Variants in SMARCAD1 observed in about 807,000 individuals in gnomAD.
SMARCAD1 encodes the protein SWI/SNF-related matrix-associated actin-dependent regulator of chromatin subfamily A containing DEAD/H box 1.
Under a neutral mutation model 127.1 loss-of-function variants are expected in SMARCAD1, and 25 were observed. The observed-to-expected ratio is 0.20, with a 90% CI of 0.14 to 0.27. SMARCAD1 has a LOEUF of 0.27. Among genes scored for constraint, SMARCAD1 ranks in the 10% least tolerant of loss-of-function variants. The pLI is 1.00. For synonymous variants in SMARCAD1, 400 were observed against 396.9 expected (o/e 1.01, Z -0.09); for missense variants, 807 against 1,206.0 (o/e 0.67, Z 4.90).
At chr4:94,223,752 TTTTTTTTTA>T (rs375955649) in intron 2 of SMARCAD1, among the ~76,000 whole-genome samples, 52,583 of 137,556 alleles carry the variant, frequency 0.38, 11,098 homozygotes, top group East Asian at 0.7. Flanking sequence ...TTTTTTTTTT[TTTTTTTTTA>T]AAGTAGAGAC....
At chr4:94,214,712 G>T (rs1225921738) in intron 2 of SMARCAD1, among the ~76,000 whole-genome samples, 1 of 152,174 alleles carries the variant, frequency 6.6e-6, no homozygotes, top group Admixed American at 6.5e-5. Flanking sequence ...TTTTCCCTGG[G>T]GGGGATAATT....
intron 11 of SMARCAD1, among the ~76,000 whole-genome samples, chr4:94,273,158 T>C (rs1193239748): frequency 1.3e-5 from 2 of 152,220 alleles, no homozygotes; most frequent in African/African-American, 4.8e-5. Flanking sequence ...TGAACATTCT[T>C]ACCCAAGTCC....
At chr4:94,255,662 CTTAT>C (rs1324053712) in intron 9 of SMARCAD1, among the ~76,000 whole-genome samples, 8 of 151,928 alleles carry the variant, frequency 5.3e-5, no homozygotes, top group Non-Finnish European at 8.8e-5. Flanking sequence ...ACTACTATGA[CTTAT>C]TTGTCAGATA....
intron 5 of SMARCAD1, among the ~76,000 whole-genome samples, chr4:94,237,369 T>C (rs896262465): frequency 4.6e-5 from 7 of 152,030 alleles, no homozygotes; most frequent in African/African-American, 9.7e-5. Context: ...AACATTCCTT[T>C]AGTAAATATT....
rs1753603252 is a variant in SMARCAD1 at position 94,278,532 on chromosome 4, C to T, written c.2178+15C>T. ...TAAAAGAAGAGGTAATGCATATCTA[C>T]ATGTTTTTTATTTTTATTGTTTTTA... On this transcript the variant is annotated intron_variant, in intron 17 of 23. Transcript: ENST00000354268. The T allele has an allele frequency of 1.2e-6, 2 of 1,607,504 alleles. No homozygotes were observed. The highest frequency in any genetic ancestry group is 2.2e-5 in the South Asian group (2 of 90,802).
chr4:94,248,514 T>C (rs1748803611), intron 6 of SMARCAD1: 1 of 456,094 alleles, frequency 2.2e-6, no homozygotes, highest in Non-Finnish European at 4.4e-6. Context: ...AGTATGAATT[T>C]TGAAGATTTT....
chr4:94,282,628 A>G (rs1245581712), intron 21 of SMARCAD1, among the ~76,000 whole-genome samples: 1 of 151,674 alleles, frequency 6.6e-6, no homozygotes, highest in Non-Finnish European at 1.5e-5. Flanking sequence ...TGCATTATAT[A>G]TTTTGATTTA....
At chr4:94,249,281 C>G (rs1337721211) in intron 6 of SMARCAD1, among the ~76,000 whole-genome samples, 1 of 151,972 alleles carries the variant, frequency 6.6e-6, no homozygotes, top group Non-Finnish European at 1.5e-5. Context: ...TAATAGTGAA[C>G]ATAGATGAGA....
At chr4:94,287,138 T>C (rs1755058535) in intron 23 of SMARCAD1, among the ~76,000 whole-genome samples, 1 of 152,224 alleles carries the variant, frequency 6.6e-6, no homozygotes, top group Non-Finnish European at 1.5e-5. Context: ...CCACTTTTCC[T>C]AGAAGTTTTC....
chr4:94,231,203 C>G (rs1480462761), intron 3 of SMARCAD1, among the ~76,000 whole-genome samples: 2 of 151,926 alleles, frequency 1.3e-5, no homozygotes, highest in Non-Finnish European at 2.9e-5. Flanking sequence ...GTCCACAGTG[C>G]CCGGAAACCC....
chr4:94,289,923 T>G lies in SMARCAD1; in HGVS notation c.*389T>G, dbSNP rs1339038888. 1 of 454,256 alleles carries G rather than the reference T, an allele frequency of 2.2e-6. No individual in the cohort carries two copies. The highest frequency in any genetic ancestry group is 7.0e-4 in the Middle Eastern group (1 of 1,434). 28.1% of individuals were successfully genotyped at this position (454,256 alleles called of 1,614,324 possible). A position where few individuals can be genotyped will look rare whatever the true frequency, so the allele number is the denominator to read the frequency against. On this transcript the variant is annotated 3_prime_UTR_variant, in exon 24 of 24. Transcript: ENST00000354268. ...GATAATGTGTGTAGATTTTTACATGTGCCTTATTTGACAATGCTTATGTCT... is the reference window on the plus strand; with the variant it reads ...GATAATGTGTGTAGATTTTTACATGGGCCTTATTTGACAATGCTTATGTCT...
intron 6 of SMARCAD1, among the ~76,000 whole-genome samples, chr4:94,246,428 A>G (rs1176886920): frequency 6.6e-6 from 1 of 152,060 alleles, no homozygotes; most frequent in East Asian, 1.9e-4. Context: ...CATAACTGAC[A>G]ATCTTAAGAG....
intron 2 of SMARCAD1, chr4:94,213,221 AGTAGAATCACTATCT>A: frequency 1.7e-6 from 1 of 578,938 alleles, no homozygotes; most frequent in South Asian, 2.0e-5. Context: ...TACTAAGCAA[AGTAGAATCACTATCT>A]GTAATTCACA....
At chr4:94,275,013 A>G (rs775296464) in intron 14 of SMARCAD1, 48 bp downstream of exon 14, 2 of 1,325,436 alleles carry the variant, frequency 1.5e-6, no homozygotes, top group Non-Finnish European at 2.2e-6. Context: ...GCAGCCCCCA[A>G]ATTTAAAAAA....
Position 94,240,869 on chromosome 4 carries a change from C to G in SMARCAD1, c.605-37C>G, listed in dbSNP as rs748943416. Reference sequence around the variant, plus strand: ...ACATTAAATTGATTTTTTGCTATTTCTGTGCAAAGTTTGAGTGTGCTGCTC... The same window carrying G: ...ACATTAAATTGATTTTTTGCTATTTGTGTGCAAAGTTTGAGTGTGCTGCTC... On this transcript the variant is annotated intron_variant, in intron 5 of 23. Coordinates refer to ENST00000354268, the MANE Select transcript of SMARCAD1 (RefSeq NM_020159.5). 9.3e-6 allele frequency: 14 copies of G among 1,503,640 alleles called. No individual in the cohort carries two copies. The East Asian group carries it at 1.1e-4, about 12-fold the overall frequency. The allele number at this position is 1,503,640 out of a possible 1,614,324, so 93.1% of individuals were successfully genotyped here.
chr4:94,247,273 A>G (rs1377952002), intron 6 of SMARCAD1, among the ~76,000 whole-genome samples: 1 of 152,222 alleles, frequency 6.6e-6, no homozygotes, highest in Non-Finnish European at 1.5e-5. Context: ...ATGGAAAAAT[A>G]AGCACTGGGT....
chr4:94,208,565 A>G lies in SMARCAD1; in HGVS notation c.171A>G (p.Ser57=), dbSNP rs1275795646. The change falls in exon 2 of 24, where the codon TCA becomes TCG. Residue 57 remains serine (S), a synonymous_variant. Coordinates refer to ENST00000354268, the MANE Select transcript of SMARCAD1 (RefSeq NM_020159.5). ...GEVSRANTPD[S]DITEKTEDSS... ...TTAGCAGGGCAAACACTCCTGATTCAGATATAACTGAAAAAACAGGTGAGT... is the reference window on the plus strand; with the variant it reads ...TTAGCAGGGCAAACACTCCTGATTCGGATATAACTGAAAAAACAGGTGAGT... 10 of 1,614,124 alleles carry G rather than the reference A, an allele frequency of 6.2e-6. No homozygotes were observed. Among genetic ancestry groups the G allele is most frequent in the Non-Finnish European group, 8.5e-6 (10 of 1,179,978 alleles).
intron 9 of SMARCAD1, among the ~76,000 whole-genome samples, chr4:94,258,724 CATATCTGTAAGCAA>C (rs1265245162): frequency 6.6e-6 from 1 of 152,194 alleles, no homozygotes; most frequent in Non-Finnish European, 1.5e-5. Context: ...TAACAGCTTA[CATATCTGTAAGCAA>C]ATATCTGTAA....
At chr4:94,253,286 T>G in intron 9 of SMARCAD1, 3 of 1,415,664 alleles carry the variant, frequency 2.1e-6, no homozygotes, top group Non-Finnish European at 2.8e-6. Context: ...TTCATTTCAC[T>G]GCAGAAGAAG....
Sources: gnomAD v4.1 joint callset for allele counts (sites outside exome capture counted in the v4.1 genomes callset) on GRCh38, gnomAD v4.1.1 for gene constraint, MANE v1.5 for transcripts, NCBI Gene and HGNC (gene_info 2026-07-23, HGNC 2026-07-21) for gene names.